The following SPTBN4 variants were observed in gnomAD, a reference collection of about 807,000 sequenced individuals.
SPTBN4 encodes the protein spectrin beta chain, non-erythrocytic 4.
Under a neutral mutation model 277.8 loss-of-function variants are expected in SPTBN4, and 96 were observed. The observed-to-expected ratio is 0.35, with a 90% CI of 0.29 to 0.41. The LOEUF (loss-of-function observed/expected upper bound fraction) is 0.41. Ranked by LOEUF, SPTBN4 falls within the 10% of genes least tolerant of loss-of-function variation. The pLI, the probability that SPTBN4 is intolerant of heterozygous loss-of-function variation, is 1.00. For synonymous variants in SPTBN4, 1,481 were observed against 1,580.3 expected (o/e 0.94, Z 1.49); for missense variants, 3,006 against 3,595.7 (o/e 0.84, Z 4.19).
chr19:40,516,278 T>C (rs1227600724), intron 15 of SPTBN4, among the ~76,000 whole-genome samples: 1 of 149,738 alleles, frequency 6.7e-6, no homozygotes, highest in African/African-American at 2.5e-5. Flanking sequence ...CCAATTTCCA[T>C]AGTAAAGATC....
At chr19:40,503,263 G>A (rs1568782904) in intron 11 of SPTBN4, among the ~76,000 whole-genome samples, 1 of 152,098 alleles carries the variant, frequency 6.6e-6, no homozygotes, top group African/African-American at 2.4e-5. Context: ...GGATAGAATT[G>A]GTTTCCTAAG....
In SPTBN4 at chr19:40,519,814, G is replaced by A; in HGVS notation, c.3317G>A (p.Arg1106His). The change falls in exon 16 of 36, where the codon CGC becomes CAC. Residue 1106 changes from arginine (R) to histidine (H), a missense_variant. By Grantham distance (29) the Arg-to-His change is conservative. Coordinates refer to ENST00000598249, the MANE Select transcript of SPTBN4 (RefSeq NM_020971.3). The surrounding 1 kb of genome is among the most constrained non-coding windows in gnomAD (Gnocchi z 5.7). ...DLDAFLDWLV[R>H]AQEAAGGSEG... ...GACGCTTTCCTGGACTGGCTCGTGC[G>A]CGCCCAGGAGGCGGCGGGCGGCAGC... 7.0e-7 allele frequency: 1 copy of A among 1,434,320 alleles called. No individual in the cohort carries two copies. The highest frequency in any genetic ancestry group is 9.0e-7 in the Non-Finnish European group (1 of 1,107,046). 88.8% of individuals were successfully genotyped at this position (1,434,320 alleles called of 1,614,324 possible).
intron 19 of SPTBN4, 142 bp from the exon 20 acceptor site, chr19:40,533,938 T>C: frequency 9.5e-7 from 1 of 1,050,554 alleles, no homozygotes; most frequent in South Asian, 1.7e-5. Context: ...CATGTCTCTC[T>C]CTCCCTATGT....
intron 20 of SPTBN4, among the ~76,000 whole-genome samples, chr19:40,542,831 G>C (rs1219075703): frequency 6.6e-6 from 1 of 150,778 alleles, no homozygotes; most frequent in Non-Finnish European, 1.5e-5. Flanking sequence ...TGTTTTTTGA[G>C]ACAGAGTCTC....
chr19:40,498,987 C>T (rs1026334063), intron 7 of SPTBN4, among the ~76,000 whole-genome samples: 12 of 152,108 alleles, frequency 7.9e-5, no homozygotes, highest in African/African-American at 2.4e-4. Context: ...TAGGTGTGAG[C>T]CACCGTGCCT....
Position 40,492,944 on chromosome 19 carries a change from A to T in SPTBN4, c.496-19A>T. On this transcript the variant is annotated intron_variant, in intron 4 of 35. Transcript: ENST00000598249. ...TCAAGCTCTCCAGGCCCTGGTAGCC[A>T]TTTTTTGTATCTTCACAGATTCAAG... The T allele has an allele frequency of 6.2e-7, 1 of 1,612,914 alleles. No individual in the cohort carries two copies. The highest frequency in any genetic ancestry group is 8.5e-7 in the Non-Finnish European group (1 of 1,179,074).
At position 40,515,715 on chromosome 19, in the gene SPTBN4, A is replaced by G. The variant is rs1319073291; in HGVS notation, c.2903+267A>G. On this transcript the variant is annotated intron_variant, in intron 15 of 35. Transcript: ENST00000598249. The surrounding 1 kb of genome is among the most constrained non-coding windows in gnomAD (Gnocchi z 4.1). ...CCAGGAGTATTCCCAAGCACTTTAT[A>G]TACCTTTCTAAAGTATCCCAACATT... Among the ~76,000 whole-genome samples the G allele has an allele frequency of 6.6e-6, 1 of 152,044 alleles. No homozygotes were observed. The highest frequency in any genetic ancestry group is 2.4e-5 in the African/African-American group (1 of 41,394).
At chr19:40,549,595 G>C (rs1363412043) in intron 21 of SPTBN4, among the ~76,000 whole-genome samples, 182 bp downstream of exon 21, 2 of 152,222 alleles carry the variant, frequency 1.3e-5, no homozygotes, top group African/African-American at 4.8e-5. Context: ...ATCATTCGTT[G>C]ATTTATTCAT....
intron 16 of SPTBN4, among the ~76,000 whole-genome samples, chr19:40,522,483 G>A (rs1353577903): frequency 6.6e-6 from 1 of 151,254 alleles, no homozygotes; most frequent in Non-Finnish European, 1.5e-5. Context: ...CTCCTGAGTA[G>A]CTGGGATAAC....
intron 35 of SPTBN4, among the ~76,000 whole-genome samples, chr19:40,575,187 AG>A (rs1406661910): frequency 1.3e-5 from 2 of 152,132 alleles, no homozygotes; most frequent in African/African-American, 4.8e-5. Context: ...TCTCTGTAGT[AG>A]GAAGTATATA....
intron 20 of SPTBN4, among the ~76,000 whole-genome samples, chr19:40,541,818 C>T (rs1304506847): frequency 6.6e-6 from 1 of 152,178 alleles, no homozygotes; most frequent in Non-Finnish European, 1.5e-5. Context: ...GATCTTGGCT[C>T]ACTGCAATCT....
intron 22 of SPTBN4, among the ~76,000 whole-genome samples, chr19:40,553,090 G>T (rs1282953598): frequency 6.6e-6 from 1 of 152,160 alleles, no homozygotes; most frequent in Non-Finnish European, 1.5e-5. Context: ...ATGTTGTCTG[G>T]CTCCATAGGT....
chr19:40,545,359 G>T (rs2080847622), intron 20 of SPTBN4, among the ~76,000 whole-genome samples: 1 of 152,098 alleles, frequency 6.6e-6, no homozygotes, highest in Admixed American at 6.5e-5. Flanking sequence ...CTCCCAAAGT[G>T]CTGGGATTAC....
At chr19:40,550,466 T>C (rs1054901699) in intron 22 of SPTBN4, 139 bp downstream of exon 22, 24 of 684,658 alleles carry the variant, frequency 3.5e-5, no homozygotes, top group Admixed American at 2.9e-4. Flanking sequence ...TACAGATGTA[T>C]CCAGGTGCTT....
chr19:40,495,103 C>A (rs1252557425), intron 6 of SPTBN4, 126 bp downstream of exon 6: 3 of 801,332 alleles, frequency 3.7e-6, no homozygotes, highest in Non-Finnish European at 6.0e-6. Context: ...TTCACCTCTA[C>A]ACACACATAC....
At chr19:40,505,755 A>G (rs534468564) in intron 12 of SPTBN4, among the ~76,000 whole-genome samples, 331 of 127,268 alleles carry the variant, frequency 2.6e-3, no homozygotes, top group African/African-American at 5.7e-3. Flanking sequence ...AGGAAGGAAG[A>G]AAGAAAGGTG....
chr19:40,482,143 G>T (rs1317790383), intron 2 of SPTBN4, among the ~76,000 whole-genome samples: 2 of 151,690 alleles, frequency 1.3e-5, no homozygotes, highest in Non-Finnish European at 2.9e-5. Flanking sequence ...CACCATGTTG[G>T]CCAGGCTGGT....
chr19:40,572,046 T>C lies in SPTBN4; in HGVS notation c.7347T>C (p.Leu2449=). 5.6e-6 allele frequency: 9 copies of C among 1,601,122 alleles called. No homozygotes were observed. Among genetic ancestry groups the C allele is most frequent in the Non-Finnish European group, 6.8e-6 (8 of 1,174,206 alleles). ...NRSWVSLYCV[L]SKGELGFYKD... is the part of the protein sequence containing the mutation. ...CGTGGGTGAGCCTGTACTGTGTGCT[T>C]AGTAAGGGGGAACTGGGCTTCTACA... The change falls in exon 34 of 36, where the codon CTT becomes CTC. Residue 2449 remains leucine (L), a synonymous_variant. Coordinates refer to ENST00000598249, the MANE Select transcript of SPTBN4 (RefSeq NM_020971.3).
chr19:40,529,619 C>T (rs2080639697), intron 18 of SPTBN4, among the ~76,000 whole-genome samples: 1 of 152,234 alleles, frequency 6.6e-6, no homozygotes, highest in Non-Finnish European at 1.5e-5. Context: ...ACATTAGGGA[C>T]GATCTCCCCT....
Sources: gnomAD v4.1 joint callset for allele counts (sites outside exome capture counted in the v4.1 genomes callset) on GRCh38, gnomAD v4.1.1 for gene constraint, Gnocchi (gnomAD v3.1) non-coding constraint, MANE v1.5 for transcripts, NCBI Gene and HGNC (gene_info 2026-07-23, HGNC 2026-07-21) for gene names.